The following IMMP2L variants were observed in gnomAD, a reference collection of about 807,000 sequenced individuals.
IMMP2L encodes inner mitochondrial membrane peptidase subunit 2, also known as mitochondrial inner membrane protease subunit 2.
Under a neutral mutation model 19.3 loss-of-function variants are expected in IMMP2L, and 18 were observed. The observed-to-expected ratio is 0.93, with a 90% CI of 0.64 to 1.38. IMMP2L has a LOEUF of 1.38. Ranked by LOEUF, IMMP2L falls within the 40% of genes most tolerant of loss-of-function variation. IMMP2L has a pLI of 0.00. For synonymous variants in IMMP2L, 76 were observed against 73.0 expected, an observed-to-expected ratio of 1.04 and a Z score of -0.21; for missense variants, 233 against 218.2, an observed-to-expected ratio of 1.07 and a Z score of -0.43.
intron 4 of IMMP2L, among the ~76,000 whole-genome samples, chr7:110,928,012 A>G (rs969633791): frequency 6.6e-6 from 1 of 151,870 alleles, no homozygotes; most frequent in Non-Finnish European, 1.5e-5. Flanking sequence ...TTTGTATACT[A>G]TCTCAAATCT....
intron 3 of IMMP2L, among the ~76,000 whole-genome samples, chr7:111,089,880 T>C (rs993866113): frequency 6.6e-6 from 1 of 152,008 alleles, no homozygotes; most frequent in Non-Finnish European, 1.5e-5. Context: ...GGTATTATTA[T>C]TATTATAATA....
chr7:111,044,603 C>T (rs77133277), intron 3 of IMMP2L, among the ~76,000 whole-genome samples: 1 of 152,172 alleles, frequency 6.6e-6, no homozygotes, highest in Non-Finnish European at 1.5e-5. Flanking sequence ...CACTATAATT[C>T]TGGATATCTT....
intron 5 of IMMP2L, among the ~76,000 whole-genome samples, chr7:110,885,009 A>G (rs1039578384): frequency 1.1e-4 from 16 of 152,008 alleles, no homozygotes; most frequent in Non-Finnish European, 2.2e-4. Flanking sequence ...CCCTCATACT[A>G]TGTGAAAGAA....
chr7:110,945,743 G>GA (rs943833386), intron 4 of IMMP2L, among the ~76,000 whole-genome samples: 8 of 150,724 alleles, frequency 5.3e-5, no homozygotes, highest in Non-Finnish European at 1.0e-4. Context: ...CAGAGATTGA[G>GA]AAAAAAGTGG....
chr7:111,421,738 G>C (rs1290395132), intron 3 of IMMP2L, among the ~76,000 whole-genome samples: 4 of 151,700 alleles, frequency 2.6e-5, no homozygotes, highest in South Asian at 2.1e-4. Flanking sequence ...GATCCCATTT[G>C]TCTATTTTGG....
chr7:111,030,321 TA>T (rs199903974), intron 3 of IMMP2L, among the ~76,000 whole-genome samples: 80 of 151,612 alleles, frequency 5.3e-4, no homozygotes, highest in Admixed American at 1.6e-3. Context: ...TGATGCTACT[TA>T]AAAAAAAACT....
chr7:110,866,708 G>A (rs1032318799), intron 5 of IMMP2L, among the ~76,000 whole-genome samples: 5 of 152,032 alleles, frequency 3.3e-5, no homozygotes, highest in African/African-American at 1.2e-4. Context: ...TTTACCAAAG[G>A]TTTCCGAGAG....
At chr7:111,171,749 A>G (rs1806469461) in intron 3 of IMMP2L, among the ~76,000 whole-genome samples, 1 of 151,574 alleles carries the variant, frequency 6.6e-6, no homozygotes, top group African/African-American at 2.4e-5. Context: ...GAATGTGAAG[A>G]ATGTTTCTTT....
At chr7:110,732,733 C>A (rs553422071) in intron 5 of IMMP2L, among the ~76,000 whole-genome samples, 1 of 151,692 alleles carries the variant, frequency 6.6e-6, no homozygotes, top group East Asian at 1.9e-4. Flanking sequence ...CGTAAATGAT[C>A]TTGATATGTG....
chr7:110,787,888 C>G (rs1800190709), intron 5 of IMMP2L, among the ~76,000 whole-genome samples: 1 of 151,782 alleles, frequency 6.6e-6, no homozygotes. Flanking sequence ...ATGGAGTAGG[C>G]TCTTCTACAT....
intron 3 of IMMP2L, among the ~76,000 whole-genome samples, chr7:111,469,950 G>A (rs1841070410): frequency 6.6e-6 from 1 of 151,972 alleles, no homozygotes; most frequent in African/African-American, 2.4e-5. Flanking sequence ...CTACAAAATG[G>A]GAGAAAATTT....
chr7:111,151,402 A>G (rs925840746), intron 3 of IMMP2L, among the ~76,000 whole-genome samples: 5 of 152,164 alleles, frequency 3.3e-5, no homozygotes, highest in Non-Finnish European at 5.9e-5. Flanking sequence ...AACTACAGCA[A>G]AATTAACCTG....
chr7:111,059,479 A>T (rs1793815849), intron 3 of IMMP2L, among the ~76,000 whole-genome samples: 1 of 152,150 alleles, frequency 6.6e-6, no homozygotes, highest in African/African-American at 2.4e-5. Flanking sequence ...CAAGTGACAA[A>T]AGCCTGTAGT....
intron 3 of IMMP2L, among the ~76,000 whole-genome samples, chr7:111,263,623 A>C (rs1349105629): frequency 6.6e-6 from 1 of 152,162 alleles, no homozygotes; most frequent in African/African-American, 2.4e-5. Context: ...AGTCATCAGC[A>C]TATCAATGGT....
chr7:110,781,785 G>A (rs1022309111), intron 5 of IMMP2L, among the ~76,000 whole-genome samples: 55 of 151,688 alleles, frequency 3.6e-4, no homozygotes, highest in African/African-American at 1.3e-3. Context: ...TAATTATAAG[G>A]GAAGTCAGCC....
chr7:111,365,226 G>T (rs763268733), intron 3 of IMMP2L, among the ~76,000 whole-genome samples: 1 of 152,016 alleles, frequency 6.6e-6, no homozygotes, highest in Non-Finnish European at 1.5e-5. Flanking sequence ...TGTACTTCAC[G>T]AAAGATGTAG....
At chr7:110,780,375 A>T (rs528134936) in intron 5 of IMMP2L, among the ~76,000 whole-genome samples, 2 of 151,660 alleles carry the variant, frequency 1.3e-5, no homozygotes, top group East Asian at 3.9e-4. Flanking sequence ...AAAGTTGAGA[A>T]TTCACCACTG....
intron 3 of IMMP2L, among the ~76,000 whole-genome samples, chr7:111,017,352 C>A (rs1346171252): frequency 6.6e-6 from 1 of 152,064 alleles, no homozygotes; most frequent in African/African-American, 2.4e-5. Flanking sequence ...ATGTGAGCCA[C>A]TGCGCCCAGC....
intron 5 of IMMP2L, among the ~76,000 whole-genome samples, chr7:110,776,689 G>T (rs530420836): frequency 1.4e-4 from 21 of 151,920 alleles, no homozygotes; most frequent in Non-Finnish European, 2.6e-4. Context: ...TTTTAAAATG[G>T]GGAAGAGATC....
Sources: allele counts gnomAD v4.1 joint callset (sites outside exome capture counted in the v4.1 genomes callset), GRCh38; gene constraint gnomAD v4.1.1; transcripts MANE v1.5; gene names NCBI Gene and HGNC (gene_info 2026-07-23, HGNC 2026-07-21).